Variants in PSAP observed in about 807,000 individuals in gnomAD.
The protein encoded by PSAP is prosaposin, also known as precursor of saposins.
A neutral mutation model predicts 66.0 loss-of-function variants in PSAP; 25 were observed. That is an observed-to-expected ratio of 0.38 (90% confidence interval 0.28 to 0.53). The LOEUF is 0.53. Among genes scored for constraint, PSAP ranks in the 20% least tolerant of loss-of-function variants. PSAP has a pLI of 0.83. For missense variants in PSAP, 649 were observed against 668.8 expected, an observed-to-expected ratio of 0.97 and a Z score of 0.33; for synonymous variants, 273 against 258.9, an observed-to-expected ratio of 1.05 and a Z score of -0.52.
At chr10:71,818,099 C>T (rs1259226947) in intron 13 of PSAP, among the ~76,000 whole-genome samples, 1 of 152,258 alleles carries the variant, frequency 6.6e-6, no homozygotes, top group Non-Finnish European at 1.5e-5. Context: ...AACCAAACAT[C>T]CCCACCCAGG....
chr10:71,847,454 G>A (rs904535255), intron 1 of PSAP, among the ~76,000 whole-genome samples: 1 of 151,986 alleles, frequency 6.6e-6, no homozygotes, highest in Non-Finnish European at 1.5e-5. Flanking sequence ...AGGCAGAGGT[G>A]GGAAAATCGC....
chr10:71,838,951 T>G (rs1842677795), intron 1 of PSAP, among the ~76,000 whole-genome samples: 1 of 152,190 alleles, frequency 6.6e-6, no homozygotes, highest in South Asian at 2.1e-4. Flanking sequence ...TTTCAGCATT[T>G]ATAACTAATA....
At position 71,826,073 on chromosome 10, in the gene PSAP, G is replaced by A. The variant is rs145757621; in HGVS notation, c.721-180C>T. Among the ~76,000 whole-genome samples the A allele has an allele frequency of 2.0e-5, 3 of 152,306 alleles. No homozygotes were observed. In the East Asian group the frequency reaches 5.8e-4, roughly 29 times the overall value. ...TTTAATAAGATGAAAATGACAATTT[G>A]GTTACTCTATCATTTATAGGAAATG... On this transcript the variant is annotated intron_variant, in intron 6 of 13. Coordinates refer to ENST00000394936, the MANE Select transcript of PSAP (RefSeq NM_002778.4).
At chr10:71,821,617 T>C (rs1419269538) in intron 8 of PSAP, among the ~76,000 whole-genome samples, 2 of 152,192 alleles carry the variant, frequency 1.3e-5, no homozygotes, top group Non-Finnish European at 2.9e-5. Flanking sequence ...TTGAATGGCA[T>C]GCTGAAAATA....
intron 1 of PSAP, among the ~76,000 whole-genome samples, chr10:71,850,474 G>C (rs1333511416): frequency 6.6e-6 from 1 of 151,438 alleles, no homozygotes; most frequent in South Asian, 2.1e-4. Flanking sequence ...CCAAACCAAC[G>C]TATTTCTTAA....
intron 3 of PSAP, among the ~76,000 whole-genome samples, 185 bp from the exon 4 acceptor site, chr10:71,831,436 G>T (rs1483986750): frequency 6.6e-6 from 1 of 152,170 alleles, no homozygotes; most frequent in East Asian, 1.9e-4. Context: ...AAGCAGACAT[G>T]AGCATTCAAA....
chr10:71,850,501 T>C (rs1164351626), intron 1 of PSAP, among the ~76,000 whole-genome samples: 1 of 152,158 alleles, frequency 6.6e-6, no homozygotes. Flanking sequence ...TTGATTGATG[T>C]CTCGTGCCTC....
rs760303234 is a variant in PSAP at position 71,825,898 on chromosome 10, GGAGA to G, written c.721-9_721-6del. 1 of 1,612,238 alleles carries G rather than the reference GGAGA, an allele frequency of 6.2e-7. No homozygotes were observed. Among genetic ancestry groups the G allele is most frequent in the South Asian group, 1.1e-5 (1 of 91,034 alleles). Reference sequence around the variant, plus strand: ...CTGGCTGATATAGTTCTTGCACTGAGGAGAGAGAAACAGATTGCTAAACAAATCA... The same window carrying G: ...CTGGCTGATATAGTTCTTGCACTGAGGAGAAACAGATTGCTAAACAAATCA... On this transcript the variant is annotated splice_polypyrimidine_tract_variant and splice_region_variant and intron_variant, in intron 6 of 13. Transcript: ENST00000394936.
chr10:71,828,100 C>T lies in PSAP; in HGVS notation c.634G>A (p.Val212Ile). ...IQMVTDIQTA[V>I]RTNSTFVQAL... is the part of the protein sequence containing the mutation. Reference sequence around the variant, plus strand: ...TGGACAAAGGTGGAGTTGGTCCGTACAGCAGTCTGGATGTCAGTCACCATC... The same window carrying T: ...TGGACAAAGGTGGAGTTGGTCCGTATAGCAGTCTGGATGTCAGTCACCATC... The change falls in exon 6 of 14, where the codon GTA becomes ATA. Residue 212 changes from valine to isoleucine, a missense_variant. Coordinates refer to ENST00000394936, the MANE Select transcript of PSAP (RefSeq NM_002778.4). 1.2e-6 allele frequency: 2 copies of T among 1,614,156 alleles called. No homozygotes were observed. The highest frequency in any genetic ancestry group is 2.2e-5 in the East Asian group (1 of 44,884).
At chr10:71,836,817 A>C (rs2133056578) in intron 1 of PSAP, among the ~76,000 whole-genome samples, 1 of 152,354 alleles carries the variant, frequency 6.6e-6, no homozygotes, top group East Asian at 1.9e-4. Context: ...ACACACTCTC[A>C]CAGGCCCATG....
chr10:71,831,338 C>T (rs998113895), intron 3 of PSAP, 87 bp from the exon 4 acceptor site: 3 of 1,542,228 alleles, frequency 1.9e-6, no homozygotes, highest in Non-Finnish European at 2.6e-6. Context: ...TCAATAGCTC[C>T]CAGAAAAACC....
At chr10:71,834,963 A>G (rs986355067) in intron 1 of PSAP, among the ~76,000 whole-genome samples, 2 of 152,188 alleles carry the variant, frequency 1.3e-5, no homozygotes, top group African/African-American at 2.4e-5. Context: ...CAGGCTGGGC[A>G]CGGTGGCTCA....
chr10:71,823,314 T>C (rs532921266), intron 7 of PSAP, among the ~76,000 whole-genome samples: 1 of 152,320 alleles, frequency 6.6e-6, no homozygotes, highest in East Asian at 1.9e-4. Context: ...CAAAGGACCC[T>C]GTTACCCAGA....
chr10:71,828,864 C>A lies in PSAP; in HGVS notation c.576+13G>T, dbSNP rs2133044620. On this transcript the variant is annotated intron_variant, in intron 5 of 13. Coordinates refer to ENST00000394936, the MANE Select transcript of PSAP (RefSeq NM_002778.4). ...CCAAAAATGGGTCCTCAGTGGCCAG[C>A]CCGTTGTCTTACCTTTGGCTGGGGC... 3 of 1,613,678 alleles carry A rather than the reference C, an allele frequency of 1.9e-6. No homozygotes were observed. The highest frequency in any genetic ancestry group is 2.2e-5 in the South Asian group (2 of 91,048).
At chr10:71,844,268 G>C (rs552982372) in intron 1 of PSAP, among the ~76,000 whole-genome samples, 1 of 152,352 alleles carries the variant, frequency 6.6e-6, no homozygotes, top group African/African-American at 2.4e-5. Context: ...ATATGCCCTA[G>C]ATAAATGTTT....
rs1192042586 is a variant in PSAP, at chr10:71,816,605, G to A, written c.*836C>T. 7.5e-6 allele frequency: 3 copies of A among 397,556 alleles called. No individual in the cohort carries two copies. Among genetic ancestry groups the A allele is most frequent in the Non-Finnish European group, 1.6e-5 (3 of 189,108 alleles). The allele number at this position is 397,556 out of a possible 1,614,324, so 24.6% of individuals were successfully genotyped here. ...AGGAGCATCTATGAGACAAGGGAGG[G>A]GTGCAGGCTGAAGCAGCGCCTCAAC... On this transcript the variant is annotated 3_prime_UTR_variant, in exon 14 of 14. Coordinates refer to ENST00000394936, the MANE Select transcript of PSAP (RefSeq NM_002778.4).
intron 11 of PSAP, 43 bp from the exon 12 acceptor site, chr10:71,819,154 C>G (rs1477537990): frequency 4.5e-6 from 7 of 1,554,838 alleles, no homozygotes; most frequent in Non-Finnish European, 6.2e-6. Context: ...CTGGGGGTGT[C>G]CGAGCATAGT....
chr10:71,823,634 C>T (rs1398706095), intron 7 of PSAP, among the ~76,000 whole-genome samples: 2 of 152,120 alleles, frequency 1.3e-5, no homozygotes, highest in Non-Finnish European at 2.9e-5. Context: ...TGGACTGTGA[C>T]CAGAGCACAA....
chr10:71,833,016 C>CAAAAAAAAA (rs781415981), intron 2 of PSAP, among the ~76,000 whole-genome samples: 618 of 50,526 alleles, frequency 0.012, 91 homozygotes, highest in Middle Eastern at 0.043. Context: ...GAGTCCATCT[C>CAAAAAAAAA]AAAAAAAAAA....
Sources: gnomAD v4.1 joint callset for allele counts (sites outside exome capture counted in the v4.1 genomes callset) on GRCh38, gnomAD v4.1.1 for gene constraint, MANE v1.5 for transcripts, NCBI Gene and HGNC (gene_info 2026-07-23, HGNC 2026-07-21) for gene names.